GLRA2: variants seen among roughly 807,000 people sequenced by gnomAD.
The protein encoded by GLRA2 is glycine receptor alpha 2.
Under a neutral mutation model 31.6 loss-of-function variants are expected in GLRA2, and 11 were observed. The ratio of observed to expected loss-of-function variants is 0.35; its 90% CI spans 0.22 to 0.58. The LOEUF (loss-of-function observed/expected upper bound fraction) is 0.58. Among genes scored for constraint, GLRA2 ranks in the 20% least tolerant of loss-of-function variants. The pLI, the probability that GLRA2 is intolerant of heterozygous loss-of-function variation, is 0.84. For synonymous variants in GLRA2, 132 were observed against 134.0 expected (o/e 0.99, Z 0.10); for missense variants, 212 against 351.8 (o/e 0.60, Z 3.18).
chrX:14,449,002 C>CA, the GLRA2 span, among the ~76,000 whole-genome samples: 1 of 111,915 alleles, frequency 8.9e-6, no homozygotes, highest in East Asian at 2.8e-4. Flanking sequence ...CCCGCCACCC[C>CA]ACCCGCTGAG....
At chrX:14,702,350 C>A (rs2091556379) in intron 8 of GLRA2, among the ~76,000 whole-genome samples, 1 of 111,994 alleles carries the variant, frequency 8.9e-6, no homozygotes, top group African/African-American at 3.2e-5. Flanking sequence ...CAGGAAAATG[C>A]TGCTTCAGCA....
chrX:14,716,094 C>T (rs1163213882), intron 8 of GLRA2, among the ~76,000 whole-genome samples: 10 of 111,115 alleles, frequency 9.0e-5, no homozygotes, highest in Admixed American at 5.8e-4. Context: ...CAGAAGGTCT[C>T]AGGGCCGGGG....
intron 2 of GLRA2, among the ~76,000 whole-genome samples, 196 bp downstream of exon 2, chrX:14,532,568 C>G (rs199966924): frequency 8.9e-6 from 1 of 111,793 alleles, no homozygotes; most frequent in African/African-American, 3.2e-5. Context: ...TGAAAACTTT[C>G]CTTGTTTGTG....
intron 3 of GLRA2, among the ~76,000 whole-genome samples, chrX:14,579,804 T>C (rs368717349): frequency 3.1e-4 from 35 of 112,114 alleles, no homozygotes; most frequent in African/African-American, 9.7e-4. Flanking sequence ...CTTTGGGCAC[T>C]CTTCCCAAGA....
chrX:14,586,734 A>G (rs1791537519), intron 4 of GLRA2, among the ~76,000 whole-genome samples: 1 of 112,225 alleles, frequency 8.9e-6, no homozygotes, highest in Non-Finnish European at 1.9e-5. Context: ...AAAGGTCAGG[A>G]CATCATGGGA....
intron 3 of GLRA2, chrX:14,574,605 G>GT (rs2089928218): frequency 1.0e-6 from 1 of 969,731 alleles, no homozygotes; most frequent in Admixed American, 2.2e-5. Flanking sequence ...GGAATGGGAT[G>GT]TGGGATTGAA....
chrX:14,474,193 T>C, the GLRA2 span, among the ~76,000 whole-genome samples: 1 of 111,851 alleles, frequency 8.9e-6, no homozygotes, highest in African/African-American at 3.3e-5. Context: ...CATTAGACCA[T>C]CAAATTTCCC....
chrX:14,627,403 T>C (rs1342153835), intron 7 of GLRA2, among the ~76,000 whole-genome samples: 1 of 111,492 alleles, frequency 9.0e-6, no homozygotes, highest in African/African-American at 3.3e-5. Context: ...CAAACTTCAC[T>C]GGACCCTAAA....
Position 14,560,324 on chromosome X carries a change from A to C in GLRA2, c.203-14009A>C, listed in dbSNP as rs766699770. Among the ~76,000 whole-genome samples, 6 of 112,197 alleles carry C rather than the reference A, an allele frequency of 5.3e-5. 1 individual carries two copies. In the South Asian group the frequency reaches 2.2e-3, roughly 42 times the overall value. ...TTTTTTCTATTTGTGACAAGAGAGA[A>C]AAATAATATCATTTCCATCTTGGAA... On this transcript the variant is annotated intron_variant, in intron 2 of 8. Transcript: ENST00000218075.
At chrX:14,528,770 A>G (rs1298253277), upstream of GLRA2, among the ~76,000 whole-genome samples, 1 of 111,593 alleles carries the variant, frequency 9.0e-6, no homozygotes, top group Admixed American at 9.5e-5. Context: ...CATTTCTAAC[A>G]TGGAGCCCTG....
the GLRA2 span, among the ~76,000 whole-genome samples, chrX:14,514,687 A>G: frequency 2.7e-5 from 3 of 111,462 alleles, no homozygotes; most frequent in Non-Finnish European, 5.7e-5. Flanking sequence ...TCCAGTTAAA[A>G]ATGTTAATTC....
chrX:14,729,655 G>A (rs1276561384), intron 8 of GLRA2, among the ~76,000 whole-genome samples: 1 of 111,324 alleles, frequency 9.0e-6, no homozygotes, highest in East Asian at 2.8e-4. Context: ...CTAGAGGGCT[G>A]GAGGGGGAAC....
At chrX:14,688,448 C>T (rs1047908664) in intron 7 of GLRA2, among the ~76,000 whole-genome samples, 28 of 111,247 alleles carry the variant, frequency 2.5e-4, no homozygotes, top group African/African-American at 7.5e-4. Flanking sequence ...GTGGGCTCCA[C>T]CCAGTTCAAG....
chrX:14,653,953 T>C (rs2090915082), intron 7 of GLRA2, among the ~76,000 whole-genome samples: 1 of 111,688 alleles, frequency 9.0e-6, no homozygotes, highest in Non-Finnish European at 1.9e-5. Flanking sequence ...AGCAAGACTG[T>C]GTCTTTACAA....
chrX:14,480,966 C>A, the GLRA2 span, among the ~76,000 whole-genome samples: 2 of 107,539 alleles, frequency 1.9e-5, no homozygotes, highest in East Asian at 3.2e-4. Flanking sequence ...TTGCTTTGGG[C>A]AGTGTGGCCA....
At chrX:14,723,678 C>T (rs1299217523) in intron 8 of GLRA2, among the ~76,000 whole-genome samples, 1 of 111,556 alleles carries the variant, frequency 9.0e-6, no homozygotes, top group Non-Finnish European at 1.9e-5. Context: ...GCCTCAGTTG[C>T]ATCCCTCAAT....
At chrX:14,566,339 G>A (rs2089805106) in intron 2 of GLRA2, among the ~76,000 whole-genome samples, 1 of 111,897 alleles carries the variant, frequency 8.9e-6, no homozygotes. Flanking sequence ...AGACCAGATG[G>A]CTTCACTGGT....
chrX:14,458,125 G>T, the GLRA2 span, among the ~76,000 whole-genome samples: 1 of 109,877 alleles, frequency 9.1e-6, no homozygotes, highest in Middle Eastern at 4.7e-3. Flanking sequence ...TGTGGTGTTT[G>T]GTTTCTTGTC....
intron 8 of GLRA2, among the ~76,000 whole-genome samples, chrX:14,716,774 G>C (rs1310756651): frequency 9.0e-6 from 1 of 110,941 alleles, no homozygotes; most frequent in Non-Finnish European, 1.9e-5. Context: ...TAATATGAAT[G>C]GGAAGCAATA....
Sources: allele counts gnomAD v4.1 joint callset (sites outside exome capture counted in the v4.1 genomes callset), GRCh38; gene constraint gnomAD v4.1.1; transcripts MANE v1.5; gene names NCBI Gene and HGNC (gene_info 2026-07-23, HGNC 2026-07-21).